Variants in CPPED1 observed in about 807,000 individuals in gnomAD.
CPPED1 encodes serine/threonine-protein phosphatase CPPED1.
CPPED1 carries 28 observed loss-of-function variants against 28.0 expected under a neutral mutation model. That is an observed-to-expected ratio of 1.00 (90% CI 0.74 to 1.37). CPPED1 has a LOEUF of 1.37. Ranked by LOEUF, CPPED1 falls within the 40% of genes most tolerant of loss-of-function variation. CPPED1 has a pLI of 0.00. For missense variants in CPPED1, 504 were observed against 416.5 expected (o/e 1.21, Z -1.83); for synonymous variants, 198 against 180.2 (o/e 1.10, Z -0.79).
intron 1 of CPPED1, among the ~76,000 whole-genome samples, chr16:12,798,787 C>G (rs1230677935): frequency 6.6e-6 from 1 of 152,218 alleles, no homozygotes; most frequent in Non-Finnish European, 1.5e-5. Context: ...TCTCAAAAGA[C>G]AATTACTAGA....
intron 2 of CPPED1, among the ~76,000 whole-genome samples, chr16:12,725,683 T>C (rs1371097433): frequency 6.6e-6 from 1 of 152,072 alleles, no homozygotes; most frequent in Admixed American, 6.6e-5. Flanking sequence ...GGGGGAAGTG[T>C]GGAGACCTCG....
intron 2 of CPPED1, among the ~76,000 whole-genome samples, chr16:12,778,983 TTTTAA>T (rs983777830): frequency 6.6e-6 from 1 of 152,208 alleles, no homozygotes; most frequent in Non-Finnish European, 1.5e-5. Context: ...AAACTATATC[TTTTAA>T]TTTATAGTGT....
At position 12,672,898 on chromosome 16, in the gene CPPED1, T is replaced by C. The variant is rs1333904547; in HGVS notation, c.716-7783A>G. Among the ~76,000 whole-genome samples the C allele has an allele frequency of 1.3e-5, 2 of 151,948 alleles. 1 individual carries two copies. Among genetic ancestry groups the C allele is most frequent in the Non-Finnish European group, 2.9e-5 (2 of 67,958 alleles). Reference sequence around the variant, plus strand: ...GCGTGGTGGCAGGCGCCTGTAATCCTAGCTACTTGGGAGGCTGAGGCATAA... The same window carrying C: ...GCGTGGTGGCAGGCGCCTGTAATCCCAGCTACTTGGGAGGCTGAGGCATAA... On this transcript the variant is annotated intron_variant, in intron 3 of 3. Transcript: ENST00000381774.
chr16:12,703,433 T>C (rs1295524927), intron 3 of CPPED1, among the ~76,000 whole-genome samples: 2 of 152,014 alleles, frequency 1.3e-5, no homozygotes, highest in Non-Finnish European at 2.9e-5. Context: ...TCACGTCCCG[T>C]GGCCTTGGGA....
intron 2 of CPPED1, among the ~76,000 whole-genome samples, chr16:12,716,048 T>C (rs2080105444): frequency 6.6e-6 from 1 of 152,208 alleles, no homozygotes. Flanking sequence ...TAACATGGAC[T>C]GAACAGAACT....
In CPPED1 at chr16:12,753,625, C is replaced by T. The variant is rs565701220; in HGVS notation, c.289+27560G>A. 6.7e-4 allele frequency among the ~76,000 whole-genome samples: 102 copies of T among 152,184 alleles called. No homozygotes were observed. The South Asian group carries it at 0.021, about 31-fold the overall frequency. ...CCTGTCCCTGGATTCTCAATCTTCC[C>T]AAGTCTCAACAACCCCAGCCACCTC... On this transcript the variant is annotated intron_variant, in intron 2 of 3. Coordinates refer to ENST00000381774, the MANE Select transcript of CPPED1 (RefSeq NM_018340.3).
At chr16:12,755,642 T>A (rs1829523383) in intron 2 of CPPED1, among the ~76,000 whole-genome samples, 1 of 152,178 alleles carries the variant, frequency 6.6e-6, no homozygotes, top group Admixed American at 6.5e-5. Context: ...GTGATAGATA[T>A]AAATACTTTC....
intron 3 of CPPED1, among the ~76,000 whole-genome samples, chr16:12,701,112 C>T (rs2080018146): frequency 6.6e-6 from 1 of 151,914 alleles, no homozygotes; most frequent in Non-Finnish European, 1.5e-5. Flanking sequence ...CCCTGTAGTC[C>T]CAGCTACTTA....
intron 2 of CPPED1, among the ~76,000 whole-genome samples, chr16:12,735,907 GA>G: frequency 6.6e-6 from 1 of 152,330 alleles, no homozygotes; most frequent in Non-Finnish European, 1.5e-5. Flanking sequence ...AGTAAGGAAA[GA>G]AAGTTATATT....
At chr16:12,688,001 C>T (rs960379364) in intron 3 of CPPED1, among the ~76,000 whole-genome samples, 2 of 150,484 alleles carry the variant, frequency 1.3e-5, no homozygotes, top group Admixed American at 1.3e-4. Flanking sequence ...ATGAAAGTCA[C>T]AAGGCCAGCA....
At chr16:12,665,677 C>T (rs1225786493) in intron 3 of CPPED1, among the ~76,000 whole-genome samples, 2 of 152,132 alleles carry the variant, frequency 1.3e-5, no homozygotes, top group Admixed American at 6.5e-5. Flanking sequence ...CGCCTGTAAT[C>T]ACAGCACTTT....
rs1263840289 is a variant in CPPED1, at chr16:12,679,297, T to A, written c.716-14182A>T. 5.3e-5 allele frequency among the ~76,000 whole-genome samples: 8 copies of A among 152,260 alleles called. No individual in the cohort carries two copies. The East Asian group carries it at 5.8e-4, about 11-fold the overall frequency. The stretch of plus-strand genomic sequence containing the variant: ...GTAAAGAGTAGGTGGATATTCTTTT[T>A]ACTATTCCTTTTCTTGCATCTTTTC... On this transcript the variant is annotated intron_variant, in intron 3 of 3. Transcript: ENST00000381774.
At chr16:12,732,920 A>C (rs1244643968) in intron 2 of CPPED1, among the ~76,000 whole-genome samples, 1 of 152,336 alleles carries the variant, frequency 6.6e-6, no homozygotes, top group South Asian at 2.1e-4. Context: ...ATGAGAGAGA[A>C]GCACAGATGG....
intron 1 of CPPED1, among the ~76,000 whole-genome samples, chr16:12,802,144 G>A (rs2080663869): frequency 6.6e-6 from 1 of 152,156 alleles, no homozygotes; most frequent in African/African-American, 2.4e-5. Flanking sequence ...GCAAACCCCT[G>A]GGGCATGGTG....
chr16:12,672,786 G>T (rs1282029649), intron 3 of CPPED1, among the ~76,000 whole-genome samples: 9 of 152,234 alleles, frequency 5.9e-5, no homozygotes, highest in African/African-American at 2.2e-4. Flanking sequence ...GGCCGAGGTG[G>T]GCAGATCAGT....
At chr16:12,675,522 G>C (rs985640449) in intron 3 of CPPED1, among the ~76,000 whole-genome samples, 12 of 152,196 alleles carry the variant, frequency 7.9e-5, no homozygotes, top group African/African-American at 2.9e-4. Flanking sequence ...TTGGGACACA[G>C]TCACTGTATA....
intron 2 of CPPED1, among the ~76,000 whole-genome samples, chr16:12,778,043 G>A (rs1447248132): frequency 6.6e-6 from 1 of 151,356 alleles, no homozygotes. Flanking sequence ...CCAAGTAGCT[G>A]AGATGACAGG....
chr16:12,795,289 T>G (rs2080620759), intron 1 of CPPED1, among the ~76,000 whole-genome samples: 2 of 151,884 alleles, frequency 1.3e-5, no homozygotes, highest in Non-Finnish European at 2.9e-5. Context: ...GCAAAACCTC[T>G]GCCTCTAGAT....
chr16:12,692,402 C>T (rs570715359), intron 3 of CPPED1, among the ~76,000 whole-genome samples: 4 of 152,318 alleles, frequency 2.6e-5, no homozygotes, highest in South Asian at 2.1e-4. Context: ...ATCCTTTTCA[C>T]GTCCAGTCAT....
Sources: allele counts gnomAD v4.1 joint callset (sites outside exome capture counted in the v4.1 genomes callset), GRCh38; gene constraint gnomAD v4.1.1; transcripts MANE v1.5; gene names NCBI Gene and HGNC (gene_info 2026-07-23, HGNC 2026-07-21).